Variants in MAGI2 observed in about 807,000 individuals in gnomAD.
The protein encoded by MAGI2 is membrane-associated guanylate kinase, WW and PDZ domain-containing protein 2.
In MAGI2, 35 loss-of-function variants were observed where a neutral mutation model predicts 133.3. The ratio of observed to expected loss-of-function variants is 0.26; its 90% CI spans 0.20 to 0.35. MAGI2 has a LOEUF of 0.35. Ranked by LOEUF, MAGI2 falls within the 10% of genes least tolerant of loss-of-function variation. The pLI, the probability that MAGI2 is intolerant of heterozygous loss-of-function variation, is 1.00. For missense variants in MAGI2, 1,636 were observed against 1,863.4 expected (o/e 0.88, Z 2.25); for synonymous variants, 729 against 710.6 (o/e 1.03, Z -0.41).
intron 16 of MAGI2, among the ~76,000 whole-genome samples, chr7:78,153,389 C>G: frequency 6.6e-6 from 1 of 152,136 alleles, no homozygotes; most frequent in East Asian, 1.9e-4. Context: ...GAGGACCAGG[C>G]GTAGAGCCTC....
chr7:78,533,161 G>T (rs564658725), intron 3 of MAGI2, among the ~76,000 whole-genome samples: 208 of 152,110 alleles, frequency 1.4e-3, no homozygotes, highest in Non-Finnish European at 2.2e-3. Flanking sequence ...AAGGTGTAAA[G>T]GTGTATATTT....
At chr7:78,054,186 T>C (rs1812316343) in intron 21 of MAGI2, among the ~76,000 whole-genome samples, 1 of 152,152 alleles carries the variant, frequency 6.6e-6, no homozygotes, top group African/African-American at 2.4e-5. Context: ...AGTGCAGTGG[T>C]GTGATCTCAG....
chr7:79,209,052 G>A (rs1459308914), intron 1 of MAGI2, among the ~76,000 whole-genome samples: 2 of 151,692 alleles, frequency 1.3e-5, no homozygotes, highest in African/African-American at 2.4e-5. Context: ...TTGTGGAGAT[G>A]GTCCATAGAT....
intron 2 of MAGI2, among the ~76,000 whole-genome samples, chr7:78,677,509 G>C (rs942248043): frequency 5.9e-5 from 9 of 151,674 alleles, no homozygotes; most frequent in Admixed American, 2.0e-4. Flanking sequence ...CAGGCACATA[G>C]CTATGTGAAG....
intron 6 of MAGI2, among the ~76,000 whole-genome samples, chr7:78,441,500 T>C (rs1019894563): frequency 6.6e-6 from 1 of 152,188 alleles, no homozygotes; most frequent in African/African-American, 2.4e-5. Flanking sequence ...TTTGGATTTA[T>C]GCACAATTAG....
chr7:78,802,616 T>C (rs1168668124), intron 2 of MAGI2, among the ~76,000 whole-genome samples: 2 of 152,138 alleles, frequency 1.3e-5, no homozygotes, highest in Non-Finnish European at 2.9e-5. Context: ...AGTACTACTA[T>C]ATAATGGTAG....
At chr7:79,200,429 C>G (rs919258607) in intron 1 of MAGI2, among the ~76,000 whole-genome samples, 4 of 147,374 alleles carry the variant, frequency 2.7e-5, no homozygotes, top group African/African-American at 1.1e-4. Context: ...ATGGCGAAAC[C>G]CCGTCTCTAC....
At chr7:78,193,749 TA>T (rs57498051) in intron 12 of MAGI2, among the ~76,000 whole-genome samples, 4,524 of 151,158 alleles carry the variant, frequency 0.03, 248 homozygotes, top group African/African-American at 0.1. Flanking sequence ...GCCGCTTCTT[TA>T]AAAAAAAAAA....
chr7:78,017,353 A>G lies in MAGI2; in HGVS notation c.*1962T>C, dbSNP rs1807882024. 1 of 152,680 alleles carries G rather than the reference A, an allele frequency of 6.5e-6. No individual in the cohort carries two copies. 9.5% of individuals were successfully genotyped at this position (152,680 alleles called of 1,614,324 possible). On this transcript the variant is annotated 3_prime_UTR_variant, in exon 22 of 22. Transcript: ENST00000354212. ...TACAGCCGCATAAAGCAATTACTGC[A>G]CAAGTAGTAGCTGTGAACTGTGCAA...
At chr7:78,586,043 T>C (rs926589981) in intron 3 of MAGI2, among the ~76,000 whole-genome samples, 1 of 152,236 alleles carries the variant, frequency 6.6e-6, no homozygotes, top group African/African-American at 2.4e-5. Flanking sequence ...CTGTATTACC[T>C]GCATTAAATG....
intron 2 of MAGI2, among the ~76,000 whole-genome samples, chr7:78,764,329 C>T (rs1824798154): frequency 6.6e-6 from 1 of 151,988 alleles, no homozygotes. Context: ...CTGAGATAGA[C>T]TAAGTACTTC....
At chr7:78,403,463 T>G (rs971732574) in intron 6 of MAGI2, among the ~76,000 whole-genome samples, 7 of 152,190 alleles carry the variant, frequency 4.6e-5, no homozygotes, top group Non-Finnish European at 8.8e-5. Flanking sequence ...TAAACATACG[T>G]GTGCATGTGT....
At chr7:78,608,164 T>C in intron 3 of MAGI2, among the ~76,000 whole-genome samples, 1 of 152,302 alleles carries the variant, frequency 6.6e-6, no homozygotes, top group South Asian at 2.1e-4. Flanking sequence ...GTGACACATA[T>C]TAAGTCCCTC....
rs1269668937 is a variant in MAGI2, at chr7:79,077,369, A to C, written c.302-70163T>G. On this transcript the variant is annotated intron_variant, in intron 1 of 21. Coordinates refer to ENST00000354212, the MANE Select transcript of MAGI2 (RefSeq NM_012301.4). ...TCAGGAAATCGATACCATCCTGGCT[A>C]ACATGGTGAAACCCCGTCTCTAATA... Among the ~76,000 whole-genome samples the C allele has an allele frequency of 2.0e-5, 3 of 151,698 alleles. No homozygotes were observed. In the South Asian group the frequency reaches 6.2e-4, roughly 32 times the overall value.
chr7:78,517,409 CAT>C (rs1403209531), intron 4 of MAGI2, among the ~76,000 whole-genome samples: 1 of 152,036 alleles, frequency 6.6e-6, no homozygotes, highest in Non-Finnish European at 1.5e-5. Flanking sequence ...AGTTCTGGGA[CAT>C]GTGTTGGAGA....
At chr7:78,615,658 T>C (rs1025668970) in intron 3 of MAGI2, 41 of 152,240 alleles carry the variant, frequency 2.7e-4, no homozygotes, top group Non-Finnish European at 1.0e-4. Context: ...ACATATGGCA[T>C]GGAGGTAAAA....
At chr7:78,340,424 G>C (rs1235838477) in intron 9 of MAGI2, among the ~76,000 whole-genome samples, 4 of 152,056 alleles carry the variant, frequency 2.6e-5, no homozygotes, top group African/African-American at 9.7e-5. Flanking sequence ...CCAAACAATA[G>C]AAAATGAGGG....
intron 16 of MAGI2, among the ~76,000 whole-genome samples, chr7:78,156,344 T>A (rs772483149): frequency 6.6e-6 from 1 of 152,204 alleles, no homozygotes; most frequent in African/African-American, 2.4e-5. Flanking sequence ...TATGTTCATC[T>A]GTGGCCCAGA....
chr7:78,310,534 A>C (rs941323850), intron 9 of MAGI2, among the ~76,000 whole-genome samples: 12 of 152,244 alleles, frequency 7.9e-5, no homozygotes, highest in Admixed American at 1.3e-4. Context: ...CAACTTCTTG[A>C]GTAGATGAAC....
Sources: gnomAD v4.1 joint callset for allele counts (sites outside exome capture counted in the v4.1 genomes callset) on GRCh38, gnomAD v4.1.1 for gene constraint, MANE v1.5 for transcripts, NCBI Gene and HGNC (gene_info 2026-07-23, HGNC 2026-07-21) for gene names.